Variants in PDCL3 observed in about 807,000 individuals in gnomAD.
PDCL3 encodes the protein phosducin-like protein 3.
PDCL3 carries 22 observed loss-of-function variants against 26.5 expected under a neutral mutation model. The ratio of observed to expected loss-of-function variants is 0.83; its 90% CI spans 0.59 to 1.19. The LOEUF (loss-of-function observed/expected upper bound fraction) is 1.19, where lower values mean the gene tolerates loss of function less well. PDCL3 is among the 50% of genes most tolerant of loss of function. The pLI, the probability that PDCL3 is intolerant of heterozygous loss-of-function variation, is 0.00. For synonymous variants in PDCL3, 81 were observed against 104.9 expected, an observed-to-expected ratio of 0.77 and a Z score of 1.39; for missense variants, 246 against 294.1, an observed-to-expected ratio of 0.84 and a Z score of 1.20.
chr2:100,569,775 A>T lies in PDCL3; in HGVS notation c.368+54A>T. ...AATGTTAATTTGAATTTATGTCTTC[A>T]GGATCTCAGGCGTTACCTATATCAG... On this transcript the variant is annotated intron_variant, in intron 4 of 5. Coordinates refer to ENST00000264254, the MANE Select transcript of PDCL3 (RefSeq NM_024065.5). 3.2e-6 allele frequency: 5 copies of T among 1,576,094 alleles called. No homozygotes were observed. In the South Asian group the frequency reaches 6.0e-5, roughly 19 times the overall value.
At chr2:100,572,384 G>T (rs1558698467) in intron 5 of PDCL3, among the ~76,000 whole-genome samples, 1 of 151,386 alleles carries the variant, frequency 6.6e-6, no homozygotes, top group Non-Finnish European at 1.5e-5. Context: ...GCTAATTTTT[G>T]TATTTTTAGT....
intron 5 of PDCL3, among the ~76,000 whole-genome samples, chr2:100,575,197 G>GC (rs1675255823): frequency 6.6e-6 from 1 of 152,084 alleles, no homozygotes; most frequent in South Asian, 2.1e-4. Context: ...GTGCAATGGC[G>GC]CGATCTCGGC....
At chr2:100,572,048 G>A in intron 5 of PDCL3, 1 of 473,862 alleles carries the variant, frequency 2.1e-6, no homozygotes, top group Non-Finnish European at 3.8e-6. Flanking sequence ...ATATTGGTGT[G>A]GAATATATTT....
intron 5 of PDCL3, chr2:100,572,183 A>G (rs193300767): frequency 4.4e-6 from 1 of 228,198 alleles, no homozygotes; most frequent in Admixed American, 5.2e-5. Flanking sequence ...TTCTCAGTTG[A>G]GTATGTTAGT....
chr2:100,568,647 A>G (rs1467226152), intron 2 of PDCL3, among the ~76,000 whole-genome samples: 1 of 152,122 alleles, frequency 6.6e-6, no homozygotes, highest in Non-Finnish European at 1.5e-5. Context: ...AAAAAGGAAA[A>G]TAAGCGGGGC....
intron 5 of PDCL3, among the ~76,000 whole-genome samples, chr2:100,575,994 A>G (rs922280519): frequency 3.9e-5 from 6 of 152,114 alleles, no homozygotes; most frequent in Non-Finnish European, 7.3e-5. Flanking sequence ...TCCTGGGCTC[A>G]AGCGATCCTG....
intron 4 of PDCL3, among the ~76,000 whole-genome samples, chr2:100,570,565 G>A (rs1004477977): frequency 2.1e-5 from 3 of 146,036 alleles, no homozygotes; most frequent in Non-Finnish European, 4.5e-5. Flanking sequence ...TGCAACCTCC[G>A]TCTCCCAGGT....
At position 100,569,651 on chromosome 2, in the gene PDCL3, A is replaced by G; in HGVS notation, c.298A>G (p.Lys100Glu). 6.2e-7 allele frequency: 1 copy of G among 1,614,112 alleles called. No homozygotes were observed. Among genetic ancestry groups the G allele is most frequent in the Non-Finnish European group, 8.5e-7 (1 of 1,179,988 alleles). Reference sequence around the variant, plus strand: ...CGGAGAAGTTTTGGAGATCTCAGGGAAGGATTATGTTCAAGAAGTTACCAA... The same window carrying G: ...CGGAGAAGTTTTGGAGATCTCAGGGGAGGATTATGTTCAAGAAGTTACCAA... ...KFGEVLEISGKDYVQEVTKAG... is the reference protein window; with the variant it reads ...KFGEVLEISGEDYVQEVTKAG... The change falls in exon 4 of 6, where the codon AAG becomes GAG. Residue 100 changes from lysine to glutamate, a missense_variant. Coordinates refer to ENST00000264254, the MANE Select transcript of PDCL3 (RefSeq NM_024065.5).
intron 4 of PDCL3, 103 bp from the exon 5 acceptor site, chr2:100,571,487 T>G: frequency 9.7e-7 from 1 of 1,035,862 alleles, no homozygotes; most frequent in Non-Finnish European, 1.4e-6. Flanking sequence ...GAATTACTTG[T>G]GAAACTGTTA....
intron 4 of PDCL3, among the ~76,000 whole-genome samples, 172 bp downstream of exon 4, chr2:100,569,893 T>C (rs1216273588): frequency 6.6e-6 from 1 of 152,084 alleles, no homozygotes; most frequent in Non-Finnish European, 1.5e-5. Context: ...GATCATGAGG[T>C]CAGGAGATCA....
chr2:100,570,980 TGTTAATTCAGCTGGGCATGGTGGC>T (rs1350943437), intron 4 of PDCL3, among the ~76,000 whole-genome samples: 2 of 151,884 alleles, frequency 1.3e-5, no homozygotes, highest in African/African-American at 4.8e-5. Context: ...TTTTAAGAAA[TGTTAATTCAGCTGGGCATGGTGGC>T]TTACACCTGT....
chr2:100,574,207 GC>G (rs1372585205), intron 5 of PDCL3, among the ~76,000 whole-genome samples: 1 of 152,054 alleles, frequency 6.6e-6, no homozygotes, highest in Non-Finnish European at 1.5e-5. Flanking sequence ...TCACCGTGTT[GC>G]CTAGGCTGGT....
chr2:100,566,045 A>G (rs1327276758), intron 1 of PDCL3, among the ~76,000 whole-genome samples: 1 of 152,088 alleles, frequency 6.6e-6, no homozygotes, highest in African/African-American at 2.4e-5. Context: ...CTGGGACTAC[A>G]GGTGCCCGCC....
intron 2 of PDCL3, among the ~76,000 whole-genome samples, chr2:100,567,121 T>C (rs1381463625): frequency 1.3e-5 from 2 of 152,130 alleles, no homozygotes; most frequent in Non-Finnish European, 1.5e-5. Context: ...ACCTAGTGTT[T>C]ACTGAAGCAG....
intron 5 of PDCL3, among the ~76,000 whole-genome samples, chr2:100,574,651 C>T (rs759378664): frequency 3.9e-5 from 6 of 152,126 alleles, no homozygotes; most frequent in East Asian, 1.9e-4. Context: ...GTATACAATA[C>T]GTTATTATTC....
chr2:100,571,976 A>C (rs1247456863), intron 5 of PDCL3, 178 bp downstream of exon 5: 11 of 617,402 alleles, frequency 1.8e-5, no homozygotes, highest in Non-Finnish European at 2.9e-5. Flanking sequence ...AACAGTTACA[A>C]CTGGGCTCTA....
At chr2:100,575,405 G>GA (rs542414198) in intron 5 of PDCL3, among the ~76,000 whole-genome samples, 1 of 152,202 alleles carries the variant, frequency 6.6e-6, no homozygotes, top group Non-Finnish European at 1.5e-5. Context: ...AAAGTGCTGG[G>GA]ATTACAGGCA....
At chr2:100,566,266 A>G (rs1675057910) in intron 1 of PDCL3, among the ~76,000 whole-genome samples, 1 of 152,160 alleles carries the variant, frequency 6.6e-6, no homozygotes, top group African/African-American at 2.4e-5. Context: ...CCGTATTGAT[A>G]CTGATCTGCA....
intron 5 of PDCL3, among the ~76,000 whole-genome samples, chr2:100,573,917 G>A (rs1477881874): frequency 2.0e-5 from 3 of 151,960 alleles, no homozygotes; most frequent in Non-Finnish European, 2.9e-5. Flanking sequence ...TACATATAAC[G>A]ATTGCTTTGT....
Sources: gnomAD v4.1 joint callset for allele counts (sites outside exome capture counted in the v4.1 genomes callset) on GRCh38, gnomAD v4.1.1 for gene constraint, MANE v1.5 for transcripts, NCBI Gene and HGNC (gene_info 2026-07-23, HGNC 2026-07-21) for gene names.